The following NCALD variants were observed in gnomAD, a reference collection of about 807,000 sequenced individuals.
NCALD encodes the protein neurocalcin delta, also known as neurocalcin-delta.
Under a neutral mutation model 18.6 loss-of-function variants are expected in NCALD, and 10 were observed. That is an observed-to-expected ratio of 0.54 (90% CI 0.33 to 0.91). NCALD has a LOEUF of 0.91. Among genes scored for constraint, NCALD ranks in the 40% least tolerant of loss-of-function variants. NCALD has a pLI of 0.03. For missense variants in NCALD, 184 were observed against 247.6 expected (o/e 0.74, Z 1.72); for synonymous variants, 88 against 87.4 (o/e 1.01, Z -0.04).
intron 1 of NCALD, among the ~76,000 whole-genome samples, chr8:102,076,745 C>T (rs1049703534): frequency 1.3e-5 from 2 of 152,130 alleles, no homozygotes; most frequent in Non-Finnish European, 2.9e-5. Context: ...CTATAATTAC[C>T]TAAATAATTA....
chr8:102,037,538 T>C (rs17498430), intron 1 of NCALD, among the ~76,000 whole-genome samples: 9,349 of 152,310 alleles, frequency 0.061, 421 homozygotes, highest in Non-Finnish European at 0.096. Context: ...GTATTATATA[T>C]GTCAAAATAT....
intron 1 of NCALD, among the ~76,000 whole-genome samples, chr8:102,046,797 C>CT (rs111776091): frequency 0.29 from 40,777 of 142,340 alleles, 6,199 homozygotes; most frequent in Non-Finnish European, 0.36. Flanking sequence ...GTTTTTTTTC[C>CT]TTTTTTTTTT....
chr8:101,899,594 G>A (rs1817341653), intron 3 of NCALD, among the ~76,000 whole-genome samples: 2 of 151,834 alleles, frequency 1.3e-5, no homozygotes, highest in Non-Finnish European at 3.0e-5. Flanking sequence ...TGCCATGAAT[G>A]TTGTTTCATT....
intron 2 of NCALD, among the ~76,000 whole-genome samples, chr8:101,717,338 G>A (rs1051420252): frequency 7.9e-5 from 12 of 152,174 alleles, no homozygotes; most frequent in African/African-American, 2.2e-4. Context: ...TCATTGTCAA[G>A]CTTAATTAAT....
chr8:101,866,639 G>T (rs985333932), intron 4 of NCALD, among the ~76,000 whole-genome samples: 32 of 152,152 alleles, frequency 2.1e-4, no homozygotes, highest in African/African-American at 7.7e-4. Context: ...TGCTATTCAT[G>T]ACTTCTCTTC....
At chr8:102,066,074 A>C (rs1823999184) in intron 1 of NCALD, among the ~76,000 whole-genome samples, 1 of 152,062 alleles carries the variant, frequency 6.6e-6, no homozygotes, top group Non-Finnish European at 1.5e-5. Context: ...AACAAGTAGT[A>C]AAATGAGCCA....
intron 2 of NCALD, among the ~76,000 whole-genome samples, chr8:101,982,510 G>GGTATAGCCT (rs1820657713): frequency 6.6e-6 from 1 of 152,104 alleles, no homozygotes; most frequent in African/African-American, 2.4e-5. Context: ...ATAAAAAAAG[G>GGTATAGCCT]GTATAGCCTT....
At chr8:101,754,830 G>C (rs1810807861) in intron 1 of NCALD, among the ~76,000 whole-genome samples, 2 of 151,880 alleles carry the variant, frequency 1.3e-5, no homozygotes, top group African/African-American at 4.8e-5. Flanking sequence ...CTCGGCACAG[G>C]GCCAGTCCAT....
intron 2 of NCALD, among the ~76,000 whole-genome samples, chr8:102,005,967 C>G (rs2132046374): frequency 6.6e-6 from 1 of 151,046 alleles, no homozygotes; most frequent in Admixed American, 6.6e-5. Context: ...CAACATGGCA[C>G]ATGTATATAT....
At chr8:101,879,409 T>C (rs1292838877) in intron 4 of NCALD, among the ~76,000 whole-genome samples, 1 of 152,132 alleles carries the variant, frequency 6.6e-6, no homozygotes, top group African/African-American at 2.4e-5. Context: ...TCTGGAGTCG[T>C]TCATTTCTCC....
intron 2 of NCALD, among the ~76,000 whole-genome samples, chr8:101,963,261 T>C (rs1819899734): frequency 6.6e-6 from 1 of 152,194 alleles, no homozygotes; most frequent in Admixed American, 6.6e-5. Context: ...ATGATTTTCA[T>C]TATGCCATAC....
intron 3 of NCALD, chr8:101,691,798 G>T: frequency 1.0e-6 from 1 of 985,364 alleles, no homozygotes; most frequent in South Asian, 4.7e-5. Flanking sequence ...TCTGTACTGC[G>T]AAGCCGCCTT....
chr8:101,860,190 A>T (rs1368691593), intron 4 of NCALD, among the ~76,000 whole-genome samples: 1 of 152,198 alleles, frequency 6.6e-6, no homozygotes, highest in African/African-American at 2.4e-5. Context: ...TCATACATGC[A>T]AGTATTAAAA....
chr8:101,919,157 G>T (rs1818075211), intron 2 of NCALD, among the ~76,000 whole-genome samples: 1 of 152,118 alleles, frequency 6.6e-6, no homozygotes, highest in Non-Finnish European at 1.5e-5. Flanking sequence ...CACCAAAACA[G>T]CATGGTACTA....
chr8:101,998,375 C>A (rs1821316616), intron 2 of NCALD, among the ~76,000 whole-genome samples: 1 of 149,488 alleles, frequency 6.7e-6, no homozygotes, highest in Non-Finnish European at 1.5e-5. Flanking sequence ...CTCTCCCCAC[C>A]CCACAATTCT....
intron 4 of NCALD, among the ~76,000 whole-genome samples, chr8:101,845,700 C>T (rs947450596): frequency 2.0e-5 from 3 of 152,168 alleles, no homozygotes; most frequent in Non-Finnish European, 4.4e-5. Context: ...TCTCTTCTAG[C>T]TATTTTGAAA....
At chr8:101,941,271 C>T (rs888431637) in intron 2 of NCALD, among the ~76,000 whole-genome samples, 1 of 152,174 alleles carries the variant, frequency 6.6e-6, no homozygotes, top group Non-Finnish European at 1.5e-5. Context: ...ATAATCAGAT[C>T]ATCAAGCATT....
intron 2 of NCALD, among the ~76,000 whole-genome samples, chr8:102,011,685 T>A (rs1444311133): frequency 6.6e-6 from 1 of 152,324 alleles, no homozygotes; most frequent in East Asian, 1.9e-4. Context: ...TTGAATTGAA[T>A]TATATTCAAA....
intron 2 of NCALD, among the ~76,000 whole-genome samples, chr8:101,712,433 C>A (rs556413968): frequency 1.3e-5 from 2 of 151,904 alleles, no homozygotes; most frequent in Non-Finnish European, 2.9e-5. Flanking sequence ...TGTAAATAGG[C>A]TAAATGCCCC....
Sources: allele counts gnomAD v4.1 joint callset (sites outside exome capture counted in the v4.1 genomes callset), GRCh38; gene constraint gnomAD v4.1.1; transcripts MANE v1.5; gene names NCBI Gene and HGNC (gene_info 2026-07-23, HGNC 2026-07-21).